KIF16B: variants seen among roughly 807,000 people sequenced by gnomAD.
KIF16B encodes the protein kinesin-like protein KIF16B.
Under a neutral mutation model 156.3 loss-of-function variants are expected in KIF16B, and 98 were observed. The observed-to-expected ratio is 0.63, with a 90% CI of 0.53 to 0.74. KIF16B has a LOEUF of 0.74. KIF16B is among the 30% of genes least tolerant of loss of function. The pLI, the probability that KIF16B is intolerant of heterozygous loss-of-function variation, is 0.00. For missense variants in KIF16B, 1,421 were observed against 1,606.5 expected, an observed-to-expected ratio of 0.88 and a Z score of 1.97; for synonymous variants, 564 against 583.7, an observed-to-expected ratio of 0.97 and a Z score of 0.49.
chr20:16,415,338 C>G (rs929399960), intron 15 of KIF16B, among the ~76,000 whole-genome samples: 1 of 152,126 alleles, frequency 6.6e-6, no homozygotes, highest in African/African-American at 2.4e-5. Flanking sequence ...TTTCTAGGCT[C>G]ATACGCACTC....
intron 23 of KIF16B, among the ~76,000 whole-genome samples, chr20:16,345,996 G>A (rs2064226580): frequency 1.3e-5 from 2 of 152,240 alleles, no homozygotes; most frequent in Admixed American, 1.3e-4. Flanking sequence ...CTGCAGCCAG[G>A]TGGGAGTAAA....
chr20:16,562,349 G>A (rs988737074), intron 1 of KIF16B, among the ~76,000 whole-genome samples: 1 of 152,106 alleles, frequency 6.6e-6, no homozygotes, highest in African/African-American at 2.4e-5. Flanking sequence ...GTAATATTAA[G>A]TAAACTTAAT....
At chr20:16,443,914 T>C (rs1410440552) in intron 12 of KIF16B, among the ~76,000 whole-genome samples, 1 of 152,204 alleles carries the variant, frequency 6.6e-6, no homozygotes, top group Admixed American at 6.5e-5. Flanking sequence ...AGATACAAAA[T>C]AAATTGTGTT....
chr20:16,485,856 C>T (rs1243468878), intron 12 of KIF16B, among the ~76,000 whole-genome samples: 1 of 151,980 alleles, frequency 6.6e-6, no homozygotes, highest in African/African-American at 2.4e-5. Flanking sequence ...CATGTCTCCA[C>T]ACATACACAC....
chr20:16,469,019 G>A (rs761089866), intron 12 of KIF16B, among the ~76,000 whole-genome samples: 2 of 152,182 alleles, frequency 1.3e-5, no homozygotes, highest in Admixed American at 6.5e-5. Flanking sequence ...CTGGGAGGCT[G>A]AGGTGTGAGA....
intron 17 of KIF16B, among the ~76,000 whole-genome samples, chr20:16,396,836 C>T (rs2065518553): frequency 6.6e-6 from 1 of 152,140 alleles, no homozygotes; most frequent in South Asian, 2.1e-4. Context: ...CAAACCCCCT[C>T]AGGCTGCTGC....
Position 16,380,174 on chromosome 20 carries a change from A to G in KIF16B, c.1839-11T>C, listed in dbSNP as rs767159517. On this transcript the variant is annotated splice_polypyrimidine_tract_variant and intron_variant, in intron 18 of 25. Coordinates refer to ENST00000354981, the MANE Select transcript of KIF16B (RefSeq NM_024704.5). ...TCTTCTATGAGTTTCCTGAAATGCA[A>G]AGCACTGACTGGTTGTTATCTGGTC... The G allele has an allele frequency of 6.0e-6, 9 of 1,506,010 alleles. No homozygotes were observed. The highest frequency in any genetic ancestry group is 8.0e-6 in the Non-Finnish European group (9 of 1,131,458). The allele number at this position is 1,506,010 out of a possible 1,614,324, so 93.3% of individuals were successfully genotyped here.
intron 1 of KIF16B, among the ~76,000 whole-genome samples, chr20:16,543,315 T>C (rs557827980): frequency 6.6e-6 from 1 of 152,300 alleles, no homozygotes; most frequent in South Asian, 2.1e-4. Context: ...CTATCCCCAA[T>C]TCCAGAACAA....
chr20:16,339,490 C>T (rs1161353028), intron 23 of KIF16B, among the ~76,000 whole-genome samples: 2 of 152,128 alleles, frequency 1.3e-5, no homozygotes, highest in African/African-American at 4.8e-5. Context: ...CATAAATTTA[C>T]ATGTGGATGA....
In KIF16B at chr20:16,374,344, T is replaced by C. The variant is rs1167365681; in HGVS notation, c.3263A>G (p.His1088Arg). Residue 1088 changes from histidine (H) to arginine (R), a missense_variant, in exon 20 of 26, where the codon CAT becomes CGT. His to Arg is a conservative substitution (Grantham distance 29, BLOSUM62 0). Coordinates refer to ENST00000354981, the MANE Select transcript of KIF16B (RefSeq NM_024704.5). ...CACCTTCCCTTCCAGGGTCCCATGATGATCTTTTTGAACACCATCGACCTC... is the reference window on the plus strand; with the variant it reads ...CACCTTCCCTTCCAGGGTCCCATGACGATCTTTTTGAACACCATCGACCTC... The part of the protein sequence containing the change: ...IYEVDGVQKD[H>R]HGTLEGKVAS... 5 of 1,606,790 alleles carry C rather than the reference T, an allele frequency of 3.1e-6. No individual in the cohort carries two copies. The highest frequency in any genetic ancestry group is 3.4e-6 in the Non-Finnish European group (4 of 1,175,570).
intron 12 of KIF16B, among the ~76,000 whole-genome samples, chr20:16,482,609 A>G (rs1022831278): frequency 6.6e-6 from 1 of 152,152 alleles, no homozygotes; most frequent in Non-Finnish European, 1.5e-5. Context: ...CAGTTCTAAC[A>G]CCAGAAAACA....
intron 1 of KIF16B, among the ~76,000 whole-genome samples, chr20:16,555,449 A>C (rs962800360): frequency 6.6e-6 from 1 of 152,202 alleles, no homozygotes; most frequent in African/African-American, 2.4e-5. Flanking sequence ...ATGATGCAAA[A>C]GTTCGGGATT....
At position 16,459,070 on chromosome 20, in the gene KIF16B, T is replaced by C. The variant is rs190128719; in HGVS notation, c.1303-29088A>G. Among the ~76,000 whole-genome samples the C allele has an allele frequency of 9.2e-5, 12 of 130,148 alleles. No individual in the cohort carries two copies. The East Asian group carries it at 2.2e-3, about 24-fold the overall frequency. 85.4% of individuals were successfully genotyped at this position (130,148 alleles called of 152,430 possible). A position where few individuals can be genotyped will look rare whatever the true frequency, so the allele number is the denominator to read the frequency against. ...CCATTTCCCAGCTTTAATGCTTATGTTATAATTTTTTTTAACAACTGCATG... is the reference window on the plus strand; with the variant it reads ...CCATTTCCCAGCTTTAATGCTTATGCTATAATTTTTTTTAACAACTGCATG... On this transcript the variant is annotated intron_variant, in intron 12 of 25. Coordinates refer to ENST00000354981, the MANE Select transcript of KIF16B (RefSeq NM_024704.5).
chr20:16,541,274 A>C (rs189976082), intron 1 of KIF16B, among the ~76,000 whole-genome samples: 175 of 152,340 alleles, frequency 1.1e-3, no homozygotes, highest in Admixed American at 2.7e-3. Flanking sequence ...AAATTCTGGA[A>C]TGGGTTTTTC....
rs529025118 is a variant in KIF16B at position 16,520,619 on chromosome 20, G to A, written c.232-4955C>T. On this transcript the variant is annotated intron_variant, in intron 3 of 25. Transcript: ENST00000354981. ...GGGCACAGCTTCGGCAGACTTAAAC[G>A]TTCCTGCCTCCCAGGTCTGAAGAGA... is the stretch of plus-strand genomic sequence containing the variant. Among the ~76,000 whole-genome samples, 22 of 152,276 alleles carry A rather than the reference G, an allele frequency of 1.4e-4. No homozygotes were observed. The South Asian group carries it at 2.3e-3, about 16-fold the overall frequency.
At chr20:16,444,444 C>G (rs1330798029) in intron 12 of KIF16B, among the ~76,000 whole-genome samples, 1 of 152,060 alleles carries the variant, frequency 6.6e-6, no homozygotes, top group Non-Finnish European at 1.5e-5. Flanking sequence ...TTTCAATGCC[C>G]ATAAAGCTTT....
intron 25 of KIF16B, among the ~76,000 whole-genome samples, chr20:16,274,634 G>A (rs763817632): frequency 3.3e-5 from 5 of 152,204 alleles, no homozygotes; most frequent in Non-Finnish European, 5.9e-5. Context: ...CAAAAAATTT[G>A]TGAAAGCAAC....
intron 17 of KIF16B, among the ~76,000 whole-genome samples, chr20:16,390,048 G>A (rs1215517911): frequency 6.6e-6 from 1 of 152,114 alleles, no homozygotes; most frequent in Non-Finnish European, 1.5e-5. Flanking sequence ...ATGGGGGTGG[G>A]ATACAAGAAG....
intron 22 of KIF16B, 80 bp from the exon 23 acceptor site, chr20:16,356,532 G>A (rs2064446758): frequency 1.3e-6 from 2 of 1,494,476 alleles, no homozygotes; most frequent in East Asian, 4.6e-5. Context: ...GGGTAGGAGG[G>A]AGAAAATGTG....
Sources: allele counts gnomAD v4.1 joint callset (sites outside exome capture counted in the v4.1 genomes callset), GRCh38; gene constraint gnomAD v4.1.1; transcripts MANE v1.5; gene names NCBI Gene and HGNC (gene_info 2026-07-23, HGNC 2026-07-21).